The following RNF180 variants were observed in gnomAD, a reference collection of about 807,000 sequenced individuals.
RNF180 encodes the protein ring finger protein 180.
A neutral mutation model predicts 59.2 loss-of-function variants in RNF180; 38 were observed. The ratio of observed to expected loss-of-function variants is 0.64; its 90% CI spans 0.50 to 0.84. RNF180 has a LOEUF of 0.84. Among genes scored for constraint, RNF180 ranks in the 40% least tolerant of loss-of-function variants. The probability of loss-of-function intolerance (pLI) is 0.00; values close to 1 mark genes in which losing one functional copy is unlikely to be tolerated. For synonymous variants in RNF180, 262 were observed against 240.3 expected, an observed-to-expected ratio of 1.09 and a Z score of -0.84; for missense variants, 705 against 700.9, an observed-to-expected ratio of 1.01 and a Z score of -0.07.
At chr5:64,302,194 G>T (rs1011032978) in intron 5 of RNF180, among the ~76,000 whole-genome samples, 1 of 151,404 alleles carries the variant, frequency 6.6e-6, no homozygotes, top group Non-Finnish European at 1.5e-5. Context: ...TGCTGGAGCA[G>T]GAACAGGATA....
intron 5 of RNF180, among the ~76,000 whole-genome samples, chr5:64,297,973 T>C (rs191897178): frequency 1.9e-4 from 29 of 152,088 alleles, no homozygotes; most frequent in African/African-American, 7.0e-4. Context: ...GTCACGGGGG[T>C]TTGTTATACA....
intron 7 of RNF180, among the ~76,000 whole-genome samples, chr5:64,366,072 C>CT (rs1746435438): frequency 6.6e-6 from 1 of 151,502 alleles, no homozygotes; most frequent in Non-Finnish European, 1.5e-5. Context: ...TGTCACTGGT[C>CT]TGTGAACTTA....
intron 5 of RNF180, among the ~76,000 whole-genome samples, chr5:64,311,910 G>C (rs1016907308): frequency 6.6e-6 from 1 of 151,990 alleles, no homozygotes; most frequent in African/African-American, 2.4e-5. Context: ...GCCAATGAAA[G>C]AGAATGGATA....
chr5:64,336,480 A>AT (rs1386709289), intron 7 of RNF180, among the ~76,000 whole-genome samples: 2 of 152,216 alleles, frequency 1.3e-5, no homozygotes, highest in African/African-American at 4.8e-5. Flanking sequence ...TCTATTTGGT[A>AT]TATAGGCTCC....
chr5:64,319,318 AAAT>A (rs1466493661), intron 5 of RNF180, among the ~76,000 whole-genome samples: 5 of 152,214 alleles, frequency 3.3e-5, no homozygotes. Context: ...TCATTTAAAA[AAAT>A]AATTTCTATA....
At chr5:64,231,782 A>C (rs533955729) in intron 5 of RNF180, among the ~76,000 whole-genome samples, 10 of 152,214 alleles carry the variant, frequency 6.6e-5, no homozygotes, top group Non-Finnish European at 1.5e-4. Context: ...ATATTAGGTG[A>C]ATGCGTTTAT....
intron 2 of RNF180, among the ~76,000 whole-genome samples, chr5:64,210,490 C>T (rs1478958782): frequency 1.3e-5 from 2 of 152,080 alleles, no homozygotes; most frequent in Admixed American, 6.6e-5. Context: ...CTGATAACAT[C>T]TGTTTATATT....
At chr5:64,208,083 T>C (rs1338630643) in intron 2 of RNF180, among the ~76,000 whole-genome samples, 1 of 152,020 alleles carries the variant, frequency 6.6e-6, no homozygotes, top group Non-Finnish European at 1.5e-5. Context: ...GGCATCAAAT[T>C]TGTAATTTTA....
intron 1 of RNF180, among the ~76,000 whole-genome samples, chr5:64,196,900 A>G (rs572721079): frequency 6.6e-6 from 1 of 152,106 alleles, no homozygotes; most frequent in South Asian, 2.1e-4. Flanking sequence ...CCCCCCTCCA[A>G]ATTGCTTTGG....
intron 7 of RNF180, among the ~76,000 whole-genome samples, chr5:64,348,621 CAA>C (rs1020451373): frequency 2.6e-5 from 4 of 151,864 alleles, no homozygotes; most frequent in Admixed American, 6.6e-5. Flanking sequence ...TTTTAATCCT[CAA>C]GAGAAAATCT....
At chr5:64,212,283 A>G in intron 3 of RNF180, 123 bp downstream of exon 3, 1 of 635,312 alleles carries the variant, frequency 1.6e-6, no homozygotes, top group East Asian at 2.7e-5. Flanking sequence ...CCTCACTCCC[A>G]TTACCTCTCT....
At chr5:64,243,423 G>T (rs533112008) in intron 5 of RNF180, among the ~76,000 whole-genome samples, 1 of 152,148 alleles carries the variant, frequency 6.6e-6, no homozygotes, top group Non-Finnish European at 1.5e-5. Flanking sequence ...CATAACTGAG[G>T]CTTGAGTAGG....
At chr5:64,315,130 A>G (rs1304500295) in intron 5 of RNF180, among the ~76,000 whole-genome samples, 1 of 152,206 alleles carries the variant, frequency 6.6e-6, no homozygotes, top group Non-Finnish European at 1.5e-5. Flanking sequence ...ATGTTGACAT[A>G]TTTTATTATG....
chr5:64,265,323 T>C (rs1022704302), intron 5 of RNF180, among the ~76,000 whole-genome samples: 2 of 152,260 alleles, frequency 1.3e-5, no homozygotes, highest in African/African-American at 4.8e-5. Context: ...CTGGATGGCA[T>C]TGTCTATGTT....
chr5:64,214,419 T>C lies in RNF180; in HGVS notation c.1093T>C (p.Leu365=), dbSNP rs199604587. 5.7e-5 allele frequency: 92 copies of C among 1,614,032 alleles called. 2 individuals carry two copies. The highest frequency in any genetic ancestry group is 4.8e-4 in the African/African-American group (36 of 75,016). The stretch of plus-strand genomic sequence containing the variant: ...CTTCCTGCACTCAGCCAATTTTTCA[T>C]TGGGCAGCATTAATCAGAGGCTTAA... The part of the protein sequence containing the change: ...LDFLHSANFS[L]GSINQRLNKR... The change falls in exon 4 of 8, where the codon TTG becomes CTG. Residue 365 remains leucine (L), a synonymous_variant. Transcript: ENST00000389100.
intron 6 of RNF180, among the ~76,000 whole-genome samples, chr5:64,326,820 G>T (rs1444324988): frequency 6.6e-6 from 1 of 152,090 alleles, no homozygotes; most frequent in Non-Finnish European, 1.5e-5. Context: ...TGTTGGCCTT[G>T]TAGAATGAGT....
intron 4 of RNF180, among the ~76,000 whole-genome samples, chr5:64,215,412 T>C (rs1258930254): frequency 5.3e-5 from 8 of 152,216 alleles, no homozygotes; most frequent in Non-Finnish European, 1.2e-4. Flanking sequence ...TGGCTTATTC[T>C]AGTTTTGACT....
chr5:64,190,031 C>T (rs1751062008), intron 1 of RNF180, among the ~76,000 whole-genome samples: 1 of 152,154 alleles, frequency 6.6e-6, no homozygotes, highest in African/African-American at 2.4e-5. Flanking sequence ...GTTTCTTCCT[C>T]AGTTTGAGTA....
intron 1 of RNF180, among the ~76,000 whole-genome samples, chr5:64,186,806 T>C (rs1009629522): frequency 6.6e-6 from 1 of 152,170 alleles, no homozygotes; most frequent in South Asian, 2.1e-4. Context: ...CATCATATGA[T>C]GATTTCTGAG....
Sources: allele counts gnomAD v4.1 joint callset (sites outside exome capture counted in the v4.1 genomes callset), GRCh38; gene constraint gnomAD v4.1.1; transcripts MANE v1.5; gene names NCBI Gene and HGNC (gene_info 2026-07-23, HGNC 2026-07-21).